The following TRIM50 variants were observed in gnomAD, a reference collection of about 807,000 sequenced individuals.
TRIM50 encodes E3 ubiquitin-protein ligase TRIM50.
TRIM50 carries 34 observed loss-of-function variants against 44.9 expected under a neutral mutation model. The ratio of observed to expected loss-of-function variants is 0.76; its 90% CI spans 0.58 to 1.01. The LOEUF (loss-of-function observed/expected upper bound fraction) is 1.01. Ranked by LOEUF, TRIM50 falls within the 50% of genes least tolerant of loss-of-function variation. The pLI, the probability that TRIM50 is intolerant of heterozygous loss-of-function variation, is 0.00. For missense variants in TRIM50, 633 were observed against 663.7 expected, an observed-to-expected ratio of 0.95 and a Z score of 0.51; for synonymous variants, 307 against 291.1, an observed-to-expected ratio of 1.05 and a Z score of -0.56.
At chr7:73,320,095 G>T in intron 3 of TRIM50, 52 bp downstream of exon 3, 1 of 1,613,658 alleles carries the variant, frequency 6.2e-7, no homozygotes, top group Non-Finnish European at 8.5e-7. Context: ...GAGTTCTACA[G>T]GAAAGTGAAG....
At chr7:73,319,190 C>T (rs1554544684) in intron 3 of TRIM50, 138 bp from the exon 4 acceptor site, 11 of 1,445,882 alleles carry the variant, frequency 7.6e-6, no homozygotes, top group Middle Eastern at 2.4e-4. Context: ...CATGGCCTGG[C>T]GCCGGGCAGG....
Position 73,324,533 on chromosome 7 carries a change from C to T in TRIM50, c.255G>A (p.Glu85=). 1 of 1,614,034 alleles carries T rather than the reference C, an allele frequency of 6.2e-7. No homozygotes were observed. The highest frequency in any genetic ancestry group is 8.5e-7 in the Non-Finnish European group (1 of 1,180,016). The change falls in exon 2 of 7, where the codon GAG becomes GAA. Residue 85 remains glutamate (E), a synonymous_variant. Coordinates refer to ENST00000333149, the MANE Select transcript of TRIM50 (RefSeq NM_178125.3). The part of the protein sequence containing the change: ...IEALRLPGDP[E]PKVCVHHRNP... ...TCCGGTGGTGCACGCAGACCTTGGG[C>T]TCCGGGTCCCCAGGGAGCCTCAGGG...
chr7:73,325,014 ATGTG>A (rs3040867), intron 1 of TRIM50, among the ~76,000 whole-genome samples: 10,692 of 141,722 alleles, frequency 0.075, 486 homozygotes, highest in African/African-American at 0.14. Context: ...CCTTGAAGAT[ATGTG>A]TGTGTGTGTG....
At chr7:73,325,112 T>C (rs1258940359) in intron 1 of TRIM50, among the ~76,000 whole-genome samples, 3 of 151,838 alleles carry the variant, frequency 2.0e-5, no homozygotes, top group African/African-American at 7.3e-5. Flanking sequence ...CAGGGTCATT[T>C]GCAGTGACAC....
At position 73,313,240 on chromosome 7, in the gene TRIM50, T is replaced by C; in HGVS notation, c.1145A>G (p.His382Arg). The C allele has an allele frequency of 6.3e-7, 1 of 1,596,698 alleles. No individual in the cohort carries two copies. The highest frequency in any genetic ancestry group is 1.1e-5 in the South Asian group (1 of 88,298). The change falls in exon 7 of 7, where the codon CAC becomes CGC. Residue 382 changes from histidine (H) to arginine (R), a missense_variant. By Grantham distance (29) the His-to-Arg change is conservative. Coordinates refer to ENST00000333149, the MANE Select transcript of TRIM50 (RefSeq NM_178125.3). The surrounding 1 kb of genome is among the most constrained non-coding windows in gnomAD (Gnocchi z 4.9). ...RKGKLNRSPE[H>R]GVWLIGLKEG... ...CTTCAGGCCGATCAGCCACACGCCGTGCTCGGGGGACCTGTTCAGCTTGCC... is the reference window on the plus strand; with the variant it reads ...CTTCAGGCCGATCAGCCACACGCCGCGCTCGGGGGACCTGTTCAGCTTGCC...
intron 1 of TRIM50, chr7:73,325,421 G>GAAGCAGCAC (rs1346331297): frequency 1.3e-5 from 2 of 154,412 alleles, no homozygotes; most frequent in East Asian, 3.8e-4. Context: ...CAATGAGACA[G>GAAGCAGCAC]AAGCAGCACC....
Position 73,320,161 on chromosome 7 carries a change from G to T in TRIM50, c.481C>A (p.Arg161=). 1 of 1,613,970 alleles carries T rather than the reference G, an allele frequency of 6.2e-7. No homozygotes were observed. Among genetic ancestry groups the T allele is most frequent in the African/African-American group, 1.3e-5 (1 of 75,034 alleles). ...DELIAKLVNN[R]TRIVNESDVF... ...GGGGCACTCACGACGATTCGGGTCC[G>T]GTTGTTCACCAGTTTGGCGATGAGC... The change falls in exon 3 of 7, where the codon CGG becomes AGG. Residue 161 remains arginine (R), a synonymous_variant. Transcript: ENST00000333149.
At chr7:73,322,910 G>T (rs553445942) in intron 2 of TRIM50, among the ~76,000 whole-genome samples, 1 of 152,228 alleles carries the variant, frequency 6.6e-6, no homozygotes, top group East Asian at 1.9e-4. Context: ...ACATATCCAG[G>T]CACCTCCGGC....
intron 2 of TRIM50, among the ~76,000 whole-genome samples, chr7:73,321,009 A>G (rs1410247560): frequency 7.3e-6 from 1 of 137,280 alleles, no homozygotes; most frequent in Non-Finnish European, 1.6e-5. Flanking sequence ...GGGCAACAAG[A>G]GTGAAACTCC....
rs781895936 is a variant in TRIM50, at chr7:73,320,185, G to C, written c.457C>G (p.Leu153Val). Residue 153 changes from leucine to valine, a missense_variant, in exon 3 of 7, where the codon CTC becomes GTC. Leu to Val is a conservative substitution (Grantham distance 32). Coordinates refer to ENST00000333149, the MANE Select transcript of TRIM50 (RefSeq NM_178125.3). ...LKQEQKKVDE[L>V]IAKLVNNRTR... is the part of the protein sequence containing the mutation. The stretch of plus-strand genomic sequence containing the variant: ...CGGTTGTTCACCAGTTTGGCGATGA[G>C]CTCATCCACCTTTTTCTGCTCCTGC... 3 of 1,614,022 alleles carry C rather than the reference G, an allele frequency of 1.9e-6. No homozygotes were observed. In the South Asian group the frequency reaches 3.3e-5, roughly 18 times the overall value.
Position 73,324,485 on chromosome 7 carries a change from C to T in TRIM50, c.303G>A (p.Glu101=). 6.2e-7 allele frequency: 1 copy of T among 1,613,754 alleles called. No individual in the cohort carries two copies. Among genetic ancestry groups the T allele is most frequent in the Non-Finnish European group, 8.5e-7 (1 of 1,180,018 alleles). Residue 101 remains glutamate (E), a synonymous_variant, in exon 2 of 7, where the codon GAG becomes GAA. Coordinates refer to ENST00000333149, the MANE Select transcript of TRIM50 (RefSeq NM_178125.3). ...HHRNPLSLFC[E]KDQELICGLC... is the part of the protein sequence containing the mutation. The stretch of plus-strand genomic sequence containing the variant: ...GGCCACAGATGAGCTCCTGGTCCTT[C>T]TCGCAGAAAAGGCTGAGCGGGTTCC...
chr7:73,319,639 A>G (rs1418039590), intron 3 of TRIM50, among the ~76,000 whole-genome samples: 2 of 152,172 alleles, frequency 1.3e-5, no homozygotes, highest in Non-Finnish European at 2.9e-5. Flanking sequence ...AGGGTAAATG[A>G]GGGAGGCTGA....
chr7:73,322,266 G>A (rs187104011), intron 2 of TRIM50, among the ~76,000 whole-genome samples: 3,469 of 152,194 alleles, frequency 0.023, 70 homozygotes, highest in Middle Eastern at 0.034. Flanking sequence ...GGAGAATGGC[G>A]TGAACCCGGG....
intron 2 of TRIM50, among the ~76,000 whole-genome samples, chr7:73,320,736 G>T (rs1804475164): frequency 6.6e-6 from 1 of 150,758 alleles, no homozygotes; most frequent in African/African-American, 2.4e-5. Context: ...ATTAATTCAA[G>T]AATATTCTAG....
At position 73,316,640 on chromosome 7, in the gene TRIM50, A is replaced by G. The variant is rs1554544128; in HGVS notation, c.799T>C (p.Ser267Pro). 6.2e-7 allele frequency: 1 copy of G among 1,614,220 alleles called. No homozygotes were observed. Among genetic ancestry groups the G allele is most frequent in the East Asian group, 2.2e-5 (1 of 44,882 alleles). Reference protein sequence around the residue: ...RPLEGAFSPISFKPGLHQADI... With the variant: ...RPLEGAFSPIPFKPGLHQADI... ...GCCTGGTGGAGGCCTGGCTTGAAGG[A>G]GATGGGGCTGAATGCGCCTTCTAAG... is the stretch of plus-strand genomic sequence containing the variant. The change falls in exon 6 of 7, where the codon TCC (serine) becomes CCC (proline). Residue 267 changes from serine to proline, a missense_variant. Ser to Pro is a moderately conservative substitution (Grantham distance 74). Coordinates refer to ENST00000333149, the MANE Select transcript of TRIM50 (RefSeq NM_178125.3).
chr7:73,314,371 C>T lies in TRIM50; in HGVS notation c.875-861G>A, dbSNP rs138484419. On this transcript the variant is annotated intron_variant, in intron 6 of 6. Coordinates refer to ENST00000333149, the MANE Select transcript of TRIM50 (RefSeq NM_178125.3). ...ACCAGTTCACCCAGGCCCTGGACCG[C>T]CAAACAGCTATTCAGCTGCTTAAGC... The T allele has an allele frequency of 2.1e-3, 856 of 401,028 alleles. 11 individuals carry two copies. Among genetic ancestry groups the T allele is most frequent in the African/African-American group, 0.017 (787 of 46,880 alleles). 24.8% of individuals were successfully genotyped at this position (401,028 alleles called of 1,614,324 possible).
In TRIM50 at chr7:73,312,784, C is replaced by T. The variant is rs1554543091; in HGVS notation, c.*137G>A. 4.4e-6 allele frequency: 3 copies of T among 682,190 alleles called. No homozygotes were observed. Among genetic ancestry groups the T allele is most frequent in the Non-Finnish European group, 4.8e-6 (2 of 415,674 alleles). 42.3% of individuals were successfully genotyped at this position (682,190 alleles called of 1,614,324 possible). A position where few individuals can be genotyped will look rare whatever the true frequency, so the allele number is the denominator to read the frequency against. On this transcript the variant is annotated 3_prime_UTR_variant, in exon 7 of 7. Coordinates refer to ENST00000333149, the MANE Select transcript of TRIM50 (RefSeq NM_178125.3). ...ACTGGGGTCCTGTTCCCTATCATTA[C>T]ATGTTCCAGGGACACACAGGCCTGA...
chr7:73,313,414 C>T lies in TRIM50; in HGVS notation c.971G>A (p.Arg324Gln), dbSNP rs782366525. The T allele has an allele frequency of 2.5e-6, 4 of 1,573,450 alleles. No individual in the cohort carries two copies. The highest frequency in any genetic ancestry group is 1.2e-5 in the South Asian group (1 of 86,722). The change falls in exon 7 of 7, where the codon CGG becomes CAG. Residue 324 changes from arginine to glutamine, a missense_variant. Coordinates refer to ENST00000333149, the MANE Select transcript of TRIM50 (RefSeq NM_178125.3). This position sits in a 1 kb window ranked among gnomAD's most constrained non-coding sequence, Gnocchi z 4.9. ...TVVQCGLLAQ[R>Q]RASQPERFDY... Reference sequence around the variant, plus strand: ...GAAGCGCTCAGGCTGGCTGGCTCGCCGCTGGGCCAGAAGCCCGCACTGCAC... The same window carrying T: ...GAAGCGCTCAGGCTGGCTGGCTCGCTGCTGGGCCAGAAGCCCGCACTGCAC...
Position 73,312,868 on chromosome 7 carries a change from T to C in TRIM50, c.*53A>G. On this transcript the variant is annotated 3_prime_UTR_variant, in exon 7 of 7. Transcript: ENST00000333149. ...GCGGGACCCAGCAGAAGCCCGCGAG[T>C]CCCCGGTGCCCCGCCGGGATGGGCC... 1 of 1,399,270 alleles carries C rather than the reference T, an allele frequency of 7.1e-7. No individual in the cohort carries two copies. Among genetic ancestry groups the C allele is most frequent in the Non-Finnish European group, 9.5e-7 (1 of 1,056,746 alleles). 86.7% of individuals were successfully genotyped at this position (1,399,270 alleles called of 1,614,324 possible).
Sources: gnomAD v4.1 joint callset for allele counts (sites outside exome capture counted in the v4.1 genomes callset) on GRCh38, gnomAD v4.1.1 for gene constraint, Gnocchi (gnomAD v3.1) non-coding constraint, MANE v1.5 for transcripts, NCBI Gene and HGNC (gene_info 2026-07-23, HGNC 2026-07-21) for gene names.